BARD1: variants seen among roughly 807,000 people sequenced by gnomAD.
The protein encoded by BARD1 is BRCA1 associated RING domain 1.
A neutral mutation model predicts 77.0 loss-of-function variants in BARD1; 73 were observed. The ratio of observed to expected loss-of-function variants is 0.95; its 90% CI spans 0.79 to 1.15. The LOEUF is 1.15. Among genes scored for constraint, BARD1 ranks in the 50% most tolerant of loss-of-function variants. The pLI is 0.00. For synonymous variants in BARD1, 384 were observed against 338.0 expected, an observed-to-expected ratio of 1.14 and a Z score of -1.49; for missense variants, 993 against 938.8, an observed-to-expected ratio of 1.06 and a Z score of -0.75.
chr2:214,808,468 A>G (rs1198435405), intron 1 of BARD1, among the ~76,000 whole-genome samples: 3 of 143,868 alleles, frequency 2.1e-5, no homozygotes, highest in African/African-American at 7.8e-5. Flanking sequence ...AGGTAACTTA[A>G]GTTCTGCAAG....
chr2:214,801,609 C>G (rs1696023221), intron 1 of BARD1, among the ~76,000 whole-genome samples: 1 of 152,156 alleles, frequency 6.6e-6, no homozygotes, highest in South Asian at 2.1e-4. Context: ...TATTATTAGC[C>G]TATGTCCATC....
intron 9 of BARD1, among the ~76,000 whole-genome samples, chr2:214,736,452 T>C (rs573856297): frequency 7.3e-4 from 111 of 152,252 alleles, no homozygotes; most frequent in Non-Finnish European, 1.1e-3. Flanking sequence ...ATTGTATCTT[T>C]AACTGCATAT....
intron 4 of BARD1, among the ~76,000 whole-genome samples, chr2:214,772,626 C>G (rs963174526): frequency 6.6e-5 from 10 of 152,128 alleles, no homozygotes; most frequent in Non-Finnish European, 1.2e-4. Context: ...TTCATATTAT[C>G]AAAGTGTCTT....
chr2:214,789,620 C>A (rs1695426243), intron 3 of BARD1, among the ~76,000 whole-genome samples: 2 of 151,776 alleles, frequency 1.3e-5, no homozygotes. Context: ...AATTTTTATC[C>A]AACTCAATTC....
At chr2:214,792,012 G>A (rs1016080073) in intron 3 of BARD1, among the ~76,000 whole-genome samples, 2 of 151,756 alleles carry the variant, frequency 1.3e-5, no homozygotes, top group Admixed American at 6.6e-5. Flanking sequence ...TATGGTTCCC[G>A]TCATTTCTCA....
At chr2:214,776,438 A>G (rs1016987720) in intron 4 of BARD1, among the ~76,000 whole-genome samples, 1 of 152,210 alleles carries the variant, frequency 6.6e-6, no homozygotes, top group East Asian at 1.9e-4. Context: ...AAACTCTCCC[A>G]TTCATGACAC....
At position 214,781,229 on chromosome 2, in the gene BARD1, G is replaced by A. The variant is rs1328709218; in HGVS notation, c.645C>T (p.Asn215=). The change falls in exon 4 of 11, where the codon AAC becomes AAT. Residue 215 remains asparagine, a synonymous_variant. Coordinates refer to ENST00000260947, the MANE Select transcript of BARD1 (RefSeq NM_000465.4). ...KQKKKTLAEI[N]QKWNLEAEKE... Reference sequence around the variant, plus strand: ...TTTCTGCCTCTAAATTCCATTTTTGGTTGATTTCAGCTAAAGTTTTCTTTT... The same window carrying A: ...TTTCTGCCTCTAAATTCCATTTTTGATTGATTTCAGCTAAAGTTTTCTTTT... The A allele has an allele frequency of 6.3e-7, 1 of 1,594,116 alleles. No homozygotes were observed. Among genetic ancestry groups the A allele is most frequent in the Non-Finnish European group, 8.5e-7 (1 of 1,175,206 alleles).
intron 7 of BARD1, among the ~76,000 whole-genome samples, chr2:214,752,041 C>A (rs1242527619): frequency 6.6e-6 from 1 of 152,194 alleles, no homozygotes; most frequent in Non-Finnish European, 1.5e-5. Flanking sequence ...AAAGCAATGG[C>A]CTTGCAGAAG....
chr2:214,784,638 C>T (rs1169998367), intron 3 of BARD1, among the ~76,000 whole-genome samples: 2 of 152,278 alleles, frequency 1.3e-5, no homozygotes, highest in East Asian at 1.9e-4. Context: ...AAATGCCCAT[C>T]AATGACAGAC....
intron 2 of BARD1, among the ~76,000 whole-genome samples, chr2:214,793,016 T>C (rs1193587155): frequency 3.3e-5 from 5 of 152,140 alleles, no homozygotes; most frequent in Non-Finnish European, 7.4e-5. Flanking sequence ...GCAAATCTGA[T>C]GAAAATCTAT....
chr2:214,727,192 T>C lies in BARD1; in HGVS notation c.*1484A>G. On this transcript the variant is annotated 3_prime_UTR_variant, in exon 11 of 11. Coordinates refer to ENST00000260947, the MANE Select transcript of BARD1 (RefSeq NM_000465.4). The stretch of plus-strand genomic sequence containing the variant: ...GGTCAAAAGGTTATTATTTTGTTCA[T>C]ATATTTCTTGATATGAAAAAACAAC... The C allele has an allele frequency of 4.5e-6, 1 of 224,226 alleles. No individual in the cohort carries two copies. Among genetic ancestry groups the C allele is most frequent in the Non-Finnish European group, 8.9e-6 (1 of 112,360 alleles). 13.9% of individuals were successfully genotyped at this position (224,226 alleles called of 1,614,324 possible). A position where few individuals can be genotyped will look rare whatever the true frequency, so the allele number is the denominator to read the frequency against.
rs746325928 is a variant in BARD1 at position 214,781,360 on chromosome 2, C to CT, written c.513dup (p.Asp172ArgfsTer10). On this transcript the variant is annotated frameshift_variant, in exon 4 of 11. Coordinates refer to ENST00000260947, the MANE Select transcript of BARD1 (RefSeq NM_000465.4). LOFTEE classifies it high-confidence loss of function. ...TATGAGTCTTGCTGAGCACTTGCAT[C>CT]TTTTTTTATTGCAGGCTGGGTTTGC... 5.6e-6 allele frequency: 9 copies of CT among 1,613,554 alleles called. No homozygotes were observed. Among genetic ancestry groups the CT allele is most frequent in the Non-Finnish European group, 8.5e-7 (1 of 1,179,920 alleles).
At chr2:214,772,667 AT>A (rs1451621371) in intron 4 of BARD1, among the ~76,000 whole-genome samples, 1 of 152,172 alleles carries the variant, frequency 6.6e-6, no homozygotes, top group Non-Finnish European at 1.5e-5. Flanking sequence ...CCTGAACTGT[AT>A]AGCTGATTAG....
chr2:214,759,107 G>T (rs547977915), intron 6 of BARD1, among the ~76,000 whole-genome samples: 1 of 152,132 alleles, frequency 6.6e-6, no homozygotes, highest in East Asian at 1.9e-4. Context: ...TAGCAACATG[G>T]GTTTTTAAAG....
chr2:214,735,916 T>C (rs59714733), intron 9 of BARD1, among the ~76,000 whole-genome samples: 4,570 of 152,186 alleles, frequency 0.03, 222 homozygotes, highest in African/African-American at 0.1. Context: ...TCAGGACGTC[T>C]ATGATTACCC....
At chr2:214,750,712 G>A (rs1693365835) in intron 7 of BARD1, among the ~76,000 whole-genome samples, 1 of 152,134 alleles carries the variant, frequency 6.6e-6, no homozygotes, top group African/African-American at 2.4e-5. Flanking sequence ...AGACACAGGG[G>A]AAGTCCACGG....
At chr2:214,794,018 G>C (rs191639755) in intron 2 of BARD1, among the ~76,000 whole-genome samples, 4 of 152,064 alleles carry the variant, frequency 2.6e-5, no homozygotes, top group Admixed American at 1.3e-4. Context: ...TTGGGAGGCC[G>C]AGACAAGAGA....
intron 9 of BARD1, among the ~76,000 whole-genome samples, chr2:214,741,009 T>C (rs1574727964): frequency 1.3e-5 from 2 of 152,242 alleles, no homozygotes; most frequent in Non-Finnish European, 2.9e-5. Context: ...CTTGTTAGAA[T>C]TTGTTTGAAA....
At chr2:214,729,096 A>T in intron 10 of BARD1, 88 bp from the exon 11 acceptor site, 1 of 1,370,052 alleles carries the variant, frequency 7.3e-7, no homozygotes. Flanking sequence ...TAAAAATACA[A>T]GTTGAATATC....
Sources: gnomAD v4.1 joint callset for allele counts (sites outside exome capture counted in the v4.1 genomes callset) on GRCh38, gnomAD v4.1.1 for gene constraint, MANE v1.5 for transcripts, NCBI Gene and HGNC (gene_info 2026-07-23, HGNC 2026-07-21) for gene names.